Variants in MED13L observed in about 807,000 individuals in gnomAD.
MED13L encodes mediator of RNA polymerase II transcription subunit 13-like.
Under a neutral mutation model 220.9 loss-of-function variants are expected in MED13L, and 7 were observed. The observed-to-expected ratio is 0.03, with a 90% CI of 0.02 to 0.06. The LOEUF (loss-of-function observed/expected upper bound fraction) is 0.06. Among genes scored for constraint, MED13L ranks in the 10% least tolerant of loss-of-function variants. The pLI, the probability that MED13L is intolerant of heterozygous loss-of-function variation, is 1.00. For missense variants in MED13L, 1,965 were observed against 2,760.5 expected (o/e 0.71, Z 6.46); for synonymous variants, 1,011 against 1,015.2 (o/e 1.00, Z 0.08).
At chr12:116,089,250 GT>G (rs1299064957) in intron 4 of MED13L, among the ~76,000 whole-genome samples, 1 of 152,122 alleles carries the variant, frequency 6.6e-6, no homozygotes, top group Non-Finnish European at 1.5e-5. Flanking sequence ...GGATCTCACT[GT>G]GTTGCCCAGG....
intron 4 of MED13L, among the ~76,000 whole-genome samples, chr12:116,066,105 A>T (rs1281343815): frequency 6.6e-6 from 1 of 152,190 alleles, no homozygotes; most frequent in Non-Finnish European, 1.5e-5. Flanking sequence ...TCTCTCTCTC[A>T]CACACATACA....
At chr12:116,059,566 C>A (rs578218855) in intron 4 of MED13L, among the ~76,000 whole-genome samples, 3 of 151,678 alleles carry the variant, frequency 2.0e-5, no homozygotes, top group East Asian at 3.9e-4. Context: ...TACAGACGCC[C>A]GCCACCATGC....
chr12:115,969,009 G>A lies in MED13L; in HGVS notation c.6156C>T (p.Asn2052=), dbSNP rs373518640. The part of the protein sequence containing the change: ...LMTGNLHSSP[N]SSPVPSPGSP... ...AGCCTGGGGAGGGTACTGGGGAAGA[G>A]TTGGGAGAGGAATGGAGGTTCCCAG... The change falls in exon 28 of 31, where the codon AAC becomes AAT. Residue 2052 remains asparagine, a synonymous_variant. Transcript: ENST00000281928. 2.2e-5 allele frequency: 36 copies of A among 1,614,078 alleles called. No individual in the cohort carries two copies. The African/African-American group carries it at 4.5e-4, about 20-fold the overall frequency.
intron 1 of MED13L, among the ~76,000 whole-genome samples, chr12:116,272,049 GAATT>G (rs1382230831): frequency 2.0e-5 from 3 of 152,042 alleles, no homozygotes; most frequent in African/African-American, 7.3e-5. Flanking sequence ...AGAGACAGCT[GAATT>G]AACTGTTCAT....
At chr12:115,990,562 T>C (rs1479439068) in intron 17 of MED13L, among the ~76,000 whole-genome samples, 2 of 152,042 alleles carry the variant, frequency 1.3e-5, no homozygotes, top group Non-Finnish European at 2.9e-5. Context: ...CAAAGTAAAA[T>C]GTGATTTTGT....
chr12:116,238,591 T>C lies in MED13L; in HGVS notation c.73-886A>G, dbSNP rs534260373. On this transcript the variant is annotated intron_variant, in intron 1 of 30. Coordinates refer to ENST00000281928, the MANE Select transcript of MED13L (RefSeq NM_015335.5). ...CCAAACAGCCCAGGTGGCCCTTGCA[T>C]TGAATCCTTACTCACGCATCTCCTT... Among the ~76,000 whole-genome samples, 6 of 152,366 alleles carry C rather than the reference T, an allele frequency of 3.9e-5. No individual in the cohort carries two copies. In the South Asian group the frequency reaches 1.0e-3, roughly 26 times the overall value.
intron 2 of MED13L, among the ~76,000 whole-genome samples, chr12:116,218,976 TCCGCCCACCTTGG>T (rs1883161468): frequency 1.3e-5 from 2 of 152,186 alleles, no homozygotes; most frequent in African/African-American, 4.8e-5. Context: ...CCTCAAGTAA[TCCGCCCACCTTGG>T]CCTCCCAAAG....
chr12:115,976,637 ATG>A (rs1408831512), intron 23 of MED13L, among the ~76,000 whole-genome samples: 6 of 152,212 alleles, frequency 3.9e-5, no homozygotes, highest in Admixed American at 2.6e-4. Flanking sequence ...ATAGTTTAAT[ATG>A]TGTGTCTGTG....
chr12:116,126,130 T>C (rs1181258118), intron 2 of MED13L, among the ~76,000 whole-genome samples: 2 of 152,216 alleles, frequency 1.3e-5, no homozygotes, highest in African/African-American at 4.8e-5. Flanking sequence ...GCAAAAAATT[T>C]ATAAATGACC....
intron 2 of MED13L, among the ~76,000 whole-genome samples, chr12:116,198,951 G>C (rs1881829038): frequency 6.6e-6 from 1 of 152,170 alleles, no homozygotes; most frequent in Non-Finnish European, 1.5e-5. Flanking sequence ...GTCTCCTGCT[G>C]CCTCTCTTTA....
intron 2 of MED13L, among the ~76,000 whole-genome samples, chr12:116,211,227 C>T (rs77468267): frequency 5.0e-4 from 76 of 152,306 alleles, no homozygotes; most frequent in African/African-American, 1.8e-3. Context: ...CAGCACTGTC[C>T]AACAAGGCAG....
chr12:115,979,597 C>T (rs910015805), intron 23 of MED13L, among the ~76,000 whole-genome samples: 2 of 152,204 alleles, frequency 1.3e-5, no homozygotes, highest in African/African-American at 2.4e-5. Context: ...GTGTTAACTA[C>T]TTGCATCATT....
intron 1 of MED13L, among the ~76,000 whole-genome samples, chr12:116,256,969 C>A (rs1306523556): frequency 6.6e-6 from 1 of 152,160 alleles, no homozygotes; most frequent in Non-Finnish European, 1.5e-5. Context: ...GCCACCGTGC[C>A]CAGCCCAAAA....
intron 2 of MED13L, among the ~76,000 whole-genome samples, chr12:116,146,635 C>T (rs1877542051): frequency 6.6e-6 from 1 of 151,810 alleles, no homozygotes; most frequent in East Asian, 1.9e-4. Context: ...GAGACGAAGG[C>T]AGGGGGGACT....
intron 3 of MED13L, among the ~76,000 whole-genome samples, chr12:116,106,077 C>A (rs868436879): frequency 2.0e-5 from 3 of 152,196 alleles, no homozygotes; most frequent in African/African-American, 7.2e-5. Flanking sequence ...GTACTATAAT[C>A]AATTACTCAC....
At chr12:115,972,734 A>G (rs769263012) in intron 25 of MED13L, among the ~76,000 whole-genome samples, 4 of 152,228 alleles carry the variant, frequency 2.6e-5, no homozygotes, top group African/African-American at 9.6e-5. Flanking sequence ...TAGAACACCC[A>G]AAAGAGCTCA....
intron 1 of MED13L, among the ~76,000 whole-genome samples, chr12:116,273,417 CA>C (rs1315285550): frequency 3.3e-5 from 5 of 151,922 alleles, no homozygotes; most frequent in Non-Finnish European, 1.5e-5. Flanking sequence ...TGTATTTTGG[CA>C]CTTTGAAAAT....
intron 29 of MED13L, 39 bp downstream of exon 29, chr12:115,966,043 C>G (rs774845452): frequency 6.2e-7 from 1 of 1,607,078 alleles, no homozygotes; most frequent in Admixed American, 1.7e-5. Context: ...GCGTAAATCA[C>G]TCATTCCTTG....
At chr12:115,983,054 CAGA>C (rs764312116) in intron 21 of MED13L, 60 bp downstream of exon 21, 31 of 1,540,812 alleles carry the variant, frequency 2.0e-5, no homozygotes, top group African/African-American at 9.5e-5. Flanking sequence ...AGAAAAGGTG[CAGA>C]AGAAGAAGAG....
Sources: allele counts gnomAD v4.1 joint callset (sites outside exome capture counted in the v4.1 genomes callset), GRCh38; gene constraint gnomAD v4.1.1; transcripts MANE v1.5; gene names NCBI Gene and HGNC (gene_info 2026-07-23, HGNC 2026-07-21).